Variants in BRF1 observed in about 807,000 individuals in gnomAD.
BRF1 encodes the protein BRF1 general transcription factor IIIB subunit.
BRF1 carries 59 observed loss-of-function variants against 81.7 expected under a neutral mutation model. The ratio of observed to expected loss-of-function variants is 0.72; its 90% CI spans 0.59 to 0.90. The LOEUF is 0.90. Among genes scored for constraint, BRF1 ranks in the 40% least tolerant of loss-of-function variants. The pLI is 0.00. For synonymous variants in BRF1, 491 were observed against 395.6 expected (o/e 1.24, Z -2.86); for missense variants, 1,050 against 936.3 (o/e 1.12, Z -1.58).
At position 105,216,174 on chromosome 14, in the gene BRF1, G is replaced by C. The variant is rs587724870; in HGVS notation, c.1772+1370C>G. 7.2e-5 allele frequency among the ~76,000 whole-genome samples: 11 copies of C among 152,174 alleles called. No homozygotes were observed. In the East Asian group the frequency reaches 1.9e-3, roughly 27 times the overall value. On this transcript the variant is annotated intron_variant, in intron 15 of 17. Coordinates refer to ENST00000547530, the MANE Select transcript of BRF1 (RefSeq NM_001519.4). ...ATGTACATGTATACACACACAGAGAGACACACATGCACACCCGGGCCCTGT... is the reference window on the plus strand; with the variant it reads ...ATGTACATGTATACACACACAGAGACACACACATGCACACCCGGGCCCTGT...
At chr14:105,312,175 C>G (rs934078491) in intron 1 of BRF1, among the ~76,000 whole-genome samples, 25 of 152,244 alleles carry the variant, frequency 1.6e-4, no homozygotes, top group African/African-American at 5.8e-4. Context: ...ACTGGAAAAG[C>G]CTGAGCCTTC....
chr14:105,215,505 A>G (rs924824111), intron 15 of BRF1, among the ~76,000 whole-genome samples: 3 of 152,102 alleles, frequency 2.0e-5, no homozygotes, highest in African/African-American at 4.8e-5. Flanking sequence ...GCACCAACGC[A>G]CACACGTACT....
intron 4 of BRF1, 85 bp downstream of exon 4, chr14:105,256,433 T>G (rs761112783): frequency 6.2e-7 from 1 of 1,613,582 alleles, no homozygotes; most frequent in Non-Finnish European, 8.5e-7. Flanking sequence ...TGGAGGCACC[T>G]GGGGTACACC....
intron 15 of BRF1, among the ~76,000 whole-genome samples, chr14:105,215,724 G>GCA (rs56049782): frequency 4.3e-5 from 5 of 116,172 alleles, no homozygotes; most frequent in Admixed American, 9.2e-5. Flanking sequence ...ACACACACAT[G>GCA]CACACACACA....
At chr14:105,250,262 C>G in intron 5 of BRF1, 4 of 1,613,130 alleles carry the variant, frequency 2.5e-6, no homozygotes, top group Non-Finnish European at 3.4e-6. Flanking sequence ...CCGCAGCAAC[C>G]AGTGGCGGTA....
chr14:105,303,443 CTGTGT>C (rs2058093883), upstream of BRF1, among the ~76,000 whole-genome samples: 1 of 152,084 alleles, frequency 6.6e-6, no homozygotes, highest in African/African-American at 2.4e-5. Flanking sequence ...CAGGGTTTCA[CTGTGT>C]TAGCCAGGAT....
At chr14:105,249,353 C>T (rs759463644) in intron 5 of BRF1, 6 of 1,609,334 alleles carry the variant, frequency 3.7e-6, no homozygotes, top group South Asian at 1.1e-5. Flanking sequence ...GCGCTTTCTC[C>T]TCCCAGTACG....
intron 15 of BRF1, among the ~76,000 whole-genome samples, chr14:105,215,373 C>T (rs1041928274): frequency 6.6e-5 from 10 of 152,126 alleles, no homozygotes; most frequent in African/African-American, 1.9e-4. Flanking sequence ...GACACATAGG[C>T]GTGCACACCT....
Position 105,210,636 on chromosome 14 carries a change from G to A in BRF1, c.1997-48C>T, listed in dbSNP as rs1345557828. 6.2e-7 allele frequency: 1 copy of A among 1,603,960 alleles called. No individual in the cohort carries two copies. The highest frequency in any genetic ancestry group is 8.5e-7 in the Non-Finnish European group (1 of 1,176,856). The stretch of plus-strand genomic sequence containing the variant: ...AGCCCAGGGTCTCTGTGGGACCCAG[G>A]AGCCCAGACCCCCCAACCCGCCCTG... On this transcript the variant is annotated intron_variant, in intron 17 of 17. Coordinates refer to ENST00000547530, the MANE Select transcript of BRF1 (RefSeq NM_001519.4). The surrounding 1 kb of genome is among the most constrained non-coding windows in gnomAD (Gnocchi z 4.7).
At chr14:105,307,654 T>C (rs937164587) in intron 1 of BRF1, among the ~76,000 whole-genome samples, 5 of 152,256 alleles carry the variant, frequency 3.3e-5, no homozygotes, top group Admixed American at 6.5e-5. Flanking sequence ...CAAGCTTCTA[T>C]GGCCTTCTCA....
chr14:105,241,514 TCCAGGCCC>T, intron 5 of BRF1, 100 bp from the exon 6 acceptor site: 4 of 1,489,290 alleles, frequency 2.7e-6, no homozygotes, highest in Non-Finnish European at 3.6e-6. Context: ...CACTTGTCTT[TCCAGGCCC>T]CCAGGCCCCC....
intron 6 of BRF1, among the ~76,000 whole-genome samples, 157 bp from the exon 7 acceptor site, chr14:105,229,070 T>C (rs1184222920): frequency 2.0e-5 from 3 of 152,236 alleles, no homozygotes; most frequent in South Asian, 2.1e-4. Flanking sequence ...GCATGGCTAC[T>C]CCTGAACGAC....
chr14:105,310,358 G>A (rs1222364481), intron 1 of BRF1, among the ~76,000 whole-genome samples: 2 of 151,158 alleles, frequency 1.3e-5, no homozygotes, highest in South Asian at 2.1e-4. Flanking sequence ...GTGAAACCCC[G>A]TCTCTAATAA....
upstream of BRF1, among the ~76,000 whole-genome samples, chr14:105,301,812 G>T (rs1015374354): frequency 6.6e-6 from 1 of 152,220 alleles, no homozygotes; most frequent in East Asian, 1.9e-4. Flanking sequence ...AATCGCCATA[G>T]GGCCGGTGAC....
chr14:105,248,848 C>CCT (rs2140279111), intron 5 of BRF1: 1 of 990,552 alleles, frequency 1.0e-6, no homozygotes, highest in East Asian at 1.1e-4. Context: ...GCCGAGGCTG[C>CCT]CCCCGCCGCC....
At position 105,222,070 on chromosome 14, in the gene BRF1, C is replaced by T. The variant is rs1159759596; in HGVS notation, c.1049-156G>A. ...GTGCCAAAGAACGAGCCTCAGCCCA[C>T]ACCTCGCACTGCACGCGGAAGTTAG... On this transcript the variant is annotated intron_variant, in intron 10 of 17. Coordinates refer to ENST00000547530, the MANE Select transcript of BRF1 (RefSeq NM_001519.4). 1.1e-5 allele frequency: 10 copies of T among 873,822 alleles called. No individual in the cohort carries two copies. In the East Asian group the frequency reaches 2.0e-4, roughly 18 times the overall value. 54.1% of individuals were successfully genotyped at this position (873,822 alleles called of 1,614,324 possible). A position where few individuals can be genotyped will look rare whatever the true frequency, so the allele number is the denominator to read the frequency against.
intron 1 of BRF1, among the ~76,000 whole-genome samples, chr14:105,298,040 T>G (rs1389265990): frequency 6.6e-6 from 1 of 152,220 alleles, no homozygotes; most frequent in East Asian, 1.9e-4. Context: ...AACATGAAAC[T>G]TTTTGAGTAT....
In BRF1 at chr14:105,209,517, G is replaced by A. The variant is rs1318196036; in HGVS notation, c.*1034C>T. The A allele has an allele frequency of 8.5e-6, 6 of 702,250 alleles. No homozygotes were observed. Among genetic ancestry groups the A allele is most frequent in the Non-Finnish European group, 1.6e-5 (6 of 384,760 alleles). 43.5% of individuals were successfully genotyped at this position (702,250 alleles called of 1,614,324 possible). On this transcript the variant is annotated 3_prime_UTR_variant, in exon 18 of 18. Coordinates refer to ENST00000547530, the MANE Select transcript of BRF1 (RefSeq NM_001519.4). ...TGCCTCAAGGCCACCCCCTCCTAAG[G>A]ACACAGGGTGAAGCCCCCTCGGCCA... is the stretch of plus-strand genomic sequence containing the variant.
intron 3 of BRF1, among the ~76,000 whole-genome samples, chr14:105,258,689 C>CT (rs1464038316): frequency 6.6e-6 from 1 of 151,812 alleles, no homozygotes; most frequent in Non-Finnish European, 1.5e-5. Context: ...ATCCCAGCTA[C>CT]TTGGGAGGCT....
Sources: gnomAD v4.1 joint callset for allele counts (sites outside exome capture counted in the v4.1 genomes callset) on GRCh38, gnomAD v4.1.1 for gene constraint, Gnocchi (gnomAD v3.1) non-coding constraint, MANE v1.5 for transcripts, NCBI Gene and HGNC (gene_info 2026-07-23, HGNC 2026-07-21) for gene names.